Variants in MYT1L observed in about 807,000 individuals in gnomAD.
MYT1L encodes the protein myelin transcription factor 1 like.
A neutral mutation model predicts 126.7 loss-of-function variants in MYT1L; 12 were observed. The observed-to-expected ratio is 0.09, with a 90% confidence interval of 0.06 to 0.15. The LOEUF (loss-of-function observed/expected upper bound fraction) is 0.15, where lower values mean the gene tolerates loss of function less well. Ranked by LOEUF, MYT1L falls within the 10% of genes least tolerant of loss-of-function variation. The pLI is 1.00. For missense variants in MYT1L, 979 were observed against 1,585.2 expected, an observed-to-expected ratio of 0.62 and a Z score of 6.49; for synonymous variants, 541 against 604.2, an observed-to-expected ratio of 0.90 and a Z score of 1.53.
chr2:1,934,118 GCACCCGCCACCA>G (rs71402125), intron 9 of MYT1L, among the ~76,000 whole-genome samples: 4,371 of 150,944 alleles, frequency 0.029, 88 homozygotes, highest in Non-Finnish European at 0.044. Flanking sequence ...GGGACTACAG[GCACCCGCCACCA>G]CGCCTGGCTA....
At position 1,801,614 on chromosome 2, in the gene MYT1L, C is replaced by T. The variant is rs540423618; in HGVS notation, c.3276+82G>A. On this transcript the variant is annotated intron_variant, in intron 23 of 24. Transcript: ENST00000647738. This position sits in a 1 kb window ranked among gnomAD's most constrained non-coding sequence, Gnocchi z 4.2. ...GCAAATAAGAGGAAACGACAGCTCT[C>T]CTAAAAGCTGATTTCATGCCATGTA... The T allele has an allele frequency of 4.7e-6, 4 of 854,308 alleles. No individual in the cohort carries two copies. The highest frequency in any genetic ancestry group is 4.6e-5 in the South Asian group (3 of 65,014). 52.9% of individuals were successfully genotyped at this position (854,308 alleles called of 1,614,324 possible). A position where few individuals can be genotyped will look rare whatever the true frequency, so the allele number is the denominator to read the frequency against.
chr2:1,875,545 C>G (rs536139943), intron 18 of MYT1L, among the ~76,000 whole-genome samples: 1 of 152,220 alleles, frequency 6.6e-6, no homozygotes, highest in Non-Finnish European at 1.5e-5. Flanking sequence ...CTGTTCAAGG[C>G]AAAATCAAAG....
intron 3 of MYT1L, among the ~76,000 whole-genome samples, chr2:2,054,993 A>G (rs1214340673): frequency 1.3e-5 from 2 of 152,232 alleles, no homozygotes. Context: ...GCATGGAGAT[A>G]AGATGAGAGG....
intron 2 of MYT1L, among the ~76,000 whole-genome samples, chr2:2,205,793 C>A (rs1055375557): frequency 6.6e-6 from 1 of 152,088 alleles, no homozygotes; most frequent in African/African-American, 2.4e-5. Context: ...TTCCATCCCC[C>A]TTCTCTTCAC....
At chr2:2,100,283 G>C (rs1185068162) in intron 3 of MYT1L, among the ~76,000 whole-genome samples, 1 of 152,142 alleles carries the variant, frequency 6.6e-6, no homozygotes, top group Non-Finnish European at 1.5e-5. Context: ...GGGATCATCA[G>C]ATATAATCAC....
intron 3 of MYT1L, among the ~76,000 whole-genome samples, chr2:2,142,133 C>A (rs1337523248): frequency 6.6e-6 from 1 of 152,128 alleles, no homozygotes; most frequent in African/African-American, 2.4e-5. Flanking sequence ...AATTACACGG[C>A]TGTTGTCCCC....
chr2:2,001,077 A>G (rs180784203), intron 4 of MYT1L, among the ~76,000 whole-genome samples: 15 of 152,196 alleles, frequency 9.9e-5, no homozygotes, highest in Non-Finnish European at 1.5e-4. Flanking sequence ...AATGCTTGAC[A>G]TTCGTGCCCC....
rs373715139 is a variant in MYT1L at position 2,308,105 on chromosome 2, A to G, written c.-521+22862T>C. ...TACACTCTACCTATACTCCACCTAC[A>G]CTTCAGTACACTCTACGTATACTTT... On this transcript the variant is annotated intron_variant, in intron 1 of 24. Transcript: ENST00000647738. Among the ~76,000 whole-genome samples the G allele has an allele frequency of 1.2e-4, 18 of 151,712 alleles. No homozygotes were observed. The South Asian group carries it at 3.7e-3, about 32-fold the overall frequency.
intron 2 of MYT1L, among the ~76,000 whole-genome samples, chr2:2,239,553 G>T (rs2094395392): frequency 6.6e-6 from 1 of 152,252 alleles, no homozygotes; most frequent in Admixed American, 6.5e-5. Context: ...AAACTCTGAA[G>T]TCGGGATGGG....
intron 2 of MYT1L, among the ~76,000 whole-genome samples, chr2:2,191,377 G>GA (rs148418804): frequency 0.041 from 6,297 of 152,264 alleles, 457 homozygotes; most frequent in African/African-American, 0.14. Context: ...GAGACTCAGG[G>GA]AAAATGTCAG....
chr2:2,081,097 T>C (rs1264368489), intron 3 of MYT1L, among the ~76,000 whole-genome samples: 1 of 152,202 alleles, frequency 6.6e-6, no homozygotes, highest in Non-Finnish European at 1.5e-5. Context: ...GATAGCCGCA[T>C]AGCTCAGAGG....
At position 2,111,131 on chromosome 2, in the gene MYT1L, A is replaced by T. The variant is rs756425131; in HGVS notation, c.-303-57008T>A. The stretch of plus-strand genomic sequence containing the variant: ...GGCTGGAAGTGAGGGTGTCAGCTCT[A>T]AAAAGGAGGCCTGGGAGAGTACCCC... On this transcript the variant is annotated intron_variant, in intron 3 of 24. Coordinates refer to ENST00000647738, the MANE Select transcript of MYT1L (RefSeq NM_001303052.2). Among the ~76,000 whole-genome samples the T allele has an allele frequency of 1.1e-3, 170 of 152,284 alleles. 2 individuals carry two copies. The highest frequency in any genetic ancestry group is 2.1e-3 in the South Asian group (10 of 4,824).
intron 1 of MYT1L, chr2:2,324,159 G>C (rs2096213648): frequency 6.6e-6 from 1 of 152,162 alleles, no homozygotes; most frequent in African/African-American, 2.4e-5. Context: ...AGGGAGCACA[G>C]GACATATTTA....
At chr2:1,792,147 C>T (rs2147784666) in intron 24 of MYT1L, 140 bp from the exon 25 acceptor site, 2 of 1,208,892 alleles carry the variant, frequency 1.7e-6, no homozygotes, top group African/African-American at 1.5e-5. Context: ...ACTTAAGTTT[C>T]TGGGGTCAGC....
intron 2 of MYT1L, among the ~76,000 whole-genome samples, chr2:2,269,816 C>T (rs2095226541): frequency 1.3e-5 from 2 of 152,198 alleles, no homozygotes; most frequent in Admixed American, 1.3e-4. Context: ...CACAGTGGGT[C>T]CATTTGCATA....
chr2:1,913,324 T>C (rs528407531), intron 11 of MYT1L, among the ~76,000 whole-genome samples: 1 of 152,252 alleles, frequency 6.6e-6, no homozygotes, highest in Admixed American at 6.5e-5. Flanking sequence ...TAGGTCCTAG[T>C]AAGTGCTGTC....
chr2:2,010,832 G>C (rs1010767000), intron 4 of MYT1L, among the ~76,000 whole-genome samples: 21 of 152,316 alleles, frequency 1.4e-4, no homozygotes, highest in African/African-American at 5.1e-4. Flanking sequence ...ATGCAGCTCA[G>C]CGGAACAGAA....
chr2:1,888,970 T>C (rs988115012), intron 16 of MYT1L, among the ~76,000 whole-genome samples: 2 of 152,212 alleles, frequency 1.3e-5, no homozygotes, highest in East Asian at 1.9e-4. Context: ...ATTTATACGT[T>C]TTCTTAGAGT....
chr2:1,931,848 C>A (rs1321770358), intron 9 of MYT1L, among the ~76,000 whole-genome samples: 6 of 152,142 alleles, frequency 3.9e-5, no homozygotes, highest in Admixed American at 6.5e-5. Flanking sequence ...GCAGCAGGTG[C>A]AATGCCTTCC....
Sources: allele counts gnomAD v4.1 joint callset (sites outside exome capture counted in the v4.1 genomes callset), GRCh38; gene constraint gnomAD v4.1.1; non-coding constraint Gnocchi (gnomAD v3.1); transcripts MANE v1.5; gene names NCBI Gene and HGNC (gene_info 2026-07-23, HGNC 2026-07-21).